The following GSE1 variants were observed in gnomAD, a reference collection of about 807,000 sequenced individuals.
GSE1 encodes the protein genetic suppressor element 1.
Under a neutral mutation model 112.6 loss-of-function variants are expected in GSE1, and 32 were observed. The ratio of observed to expected loss-of-function variants is 0.28; its 90% CI spans 0.21 to 0.38. The LOEUF (loss-of-function observed/expected upper bound fraction) is 0.38, where lower values mean the gene tolerates loss of function less well. GSE1 is among the 10% of genes least tolerant of loss of function. The pLI is 1.00. For missense variants in GSE1, 2,348 were observed against 1,699.2 expected (o/e 1.38, Z -6.71); for synonymous variants, 1,115 against 735.6 (o/e 1.52, Z -8.35).
chr16:85,606,045 C>G (rs1044446878), intron 1 of GSE1, among the ~76,000 whole-genome samples: 1 of 152,212 alleles, frequency 6.6e-6, no homozygotes, highest in Admixed American at 6.5e-5. Flanking sequence ...GGCTTGGCCG[C>G]CAGCCCCTGC....
intron 2 of GSE1, among the ~76,000 whole-genome samples, chr16:85,536,327 A>T (rs2044325418): frequency 6.6e-6 from 1 of 152,164 alleles, no homozygotes; most frequent in South Asian, 2.1e-4. Context: ...CTCAGTAAGT[A>T]ACAGTGGAGT....
chr16:85,425,877 C>T (rs2151748961), intron 2 of GSE1, among the ~76,000 whole-genome samples: 1 of 152,352 alleles, frequency 6.6e-6, no homozygotes, highest in Non-Finnish European at 1.5e-5. Context: ...TCATCCCTTT[C>T]TTTTAGATGG....
rs553486585 is a variant in GSE1 at position 85,657,729 on chromosome 16, G to T, written c.1640+125G>T. The T allele has an allele frequency of 7.8e-6, 5 of 639,436 alleles. No homozygotes were observed. In the East Asian group the frequency reaches 9.6e-5, roughly 12 times the overall value. The allele number at this position is 639,436 out of a possible 1,614,324, so 39.6% of individuals were successfully genotyped here. On this transcript the variant is annotated intron_variant, in intron 8 of 15. Transcript: ENST00000253458. ...GTTTCTGCCTGCCTCTTTCATTTCT[G>T]TTCTTTCATCTTCACGTTATAATGC...
At chr16:85,493,891 G>A (rs139136930) in intron 2 of GSE1, among the ~76,000 whole-genome samples, 245 of 151,542 alleles carry the variant, frequency 1.6e-3, no homozygotes, top group African/African-American at 5.7e-3. Flanking sequence ...ACCAGCCTGC[G>A]CAATATAAGT....
chr16:85,352,045 G>A (rs2046861329), intron 1 of GSE1, among the ~76,000 whole-genome samples: 1 of 152,140 alleles, frequency 6.6e-6, no homozygotes, highest in Admixed American at 6.5e-5. Context: ...CAGACCTAGG[G>A]ATCTCATGGA....
intron 2 of GSE1, among the ~76,000 whole-genome samples, chr16:85,531,915 G>T (rs1158244016): frequency 6.6e-6 from 1 of 152,142 alleles, no homozygotes; most frequent in Non-Finnish European, 1.5e-5. Flanking sequence ...CTCTCTCTTG[G>T]TGTCCTCAGA....
chr16:85,215,362 C>T (rs906576279), intron 1 of GSE1, among the ~76,000 whole-genome samples: 8 of 152,194 alleles, frequency 5.3e-5, no homozygotes, highest in South Asian at 4.1e-4. Context: ...TGAGTCCACA[C>T]GGGCAGGCGG....
At chr16:85,433,025 G>A (rs1453263397) in intron 2 of GSE1, among the ~76,000 whole-genome samples, 1 of 151,842 alleles carries the variant, frequency 6.6e-6, no homozygotes, top group Non-Finnish European at 1.5e-5. Flanking sequence ...AGATCTGCTT[G>A]GGGGATCAGG....
intron 2 of GSE1, among the ~76,000 whole-genome samples, chr16:85,393,964 C>A (rs1218673292): frequency 6.6e-6 from 1 of 151,602 alleles, no homozygotes. Context: ...CTCCAGGCAC[C>A]CTGGGGCCAC....
chr16:85,668,605 G>C (rs1053841691), intron 14 of GSE1, among the ~76,000 whole-genome samples, 181 bp downstream of exon 14: 1 of 152,188 alleles, frequency 6.6e-6, no homozygotes, highest in African/African-American at 2.4e-5. Flanking sequence ...TCCCATGCTG[G>C]AACCTGAGGC....
intron 1 of GSE1, among the ~76,000 whole-genome samples, chr16:85,204,089 C>T (rs915180851): frequency 6.6e-6 from 1 of 152,160 alleles, no homozygotes; most frequent in Admixed American, 6.5e-5. Flanking sequence ...AAACTTTAAC[C>T]CCTAAAGGAT....
intron 2 of GSE1, among the ~76,000 whole-genome samples, chr16:85,416,916 C>T (rs986461014): frequency 2.0e-5 from 3 of 152,180 alleles, no homozygotes; most frequent in African/African-American, 7.2e-5. Context: ...GGTGCAGTGG[C>T]ACGATCATGG....
chr16:85,390,867 T>A (rs893847130), intron 2 of GSE1, among the ~76,000 whole-genome samples: 4 of 152,174 alleles, frequency 2.6e-5, no homozygotes, highest in African/African-American at 4.8e-5. Context: ...GACATTACAT[T>A]TTTGTGTCTG....
At chr16:85,170,725 C>T in exon 1 of GSE1, 22 of 985,636 alleles carry the variant, frequency 2.2e-5, no homozygotes, top group Non-Finnish European at 2.7e-5. Flanking sequence ...CTTCCCCTTC[C>T]TGTGGCTGCA....
Position 85,668,339 on chromosome 16 carries a change from AGATGGAGAAGATGAGGAG to A in GSE1, c.3333_3350del (p.Asp1111_Glu1116del). ...AGGAGGAGGAAGAGGAGGATGATGA[AGATGGAGAAGATGAGGAG>A]GAAGTCCCCAAGCGCAAGTGGCAAG... On this transcript the variant is annotated inframe_deletion, in exon 14 of 16. Transcript: ENST00000253458. 1 of 1,613,226 alleles carries A rather than the reference AGATGGAGAAGATGAGGAG, an allele frequency of 6.2e-7. No homozygotes were observed.
intron 2 of GSE1, among the ~76,000 whole-genome samples, chr16:85,450,504 C>T (rs2151801197): frequency 6.6e-6 from 1 of 151,394 alleles, no homozygotes; most frequent in South Asian, 2.1e-4. Context: ...GGCTGGAGTG[C>T]AGTGGCCTGA....
chr16:85,247,367 C>G (rs1376384626), intron 1 of GSE1, among the ~76,000 whole-genome samples: 1 of 152,200 alleles, frequency 6.6e-6, no homozygotes, highest in Non-Finnish European at 1.5e-5. Flanking sequence ...CACCGCAGCA[C>G]TGGGAGATCC....
At chr16:85,211,683 C>A (rs1486654550) in intron 1 of GSE1, among the ~76,000 whole-genome samples, 1 of 152,072 alleles carries the variant, frequency 6.6e-6, no homozygotes, top group Non-Finnish European at 1.5e-5. Flanking sequence ...GGAGTGAGAT[C>A]CTGGGGATGG....
intron 2 of GSE1, among the ~76,000 whole-genome samples, chr16:85,514,554 G>A (rs1379726700): frequency 6.6e-6 from 1 of 152,136 alleles, no homozygotes; most frequent in Admixed American, 6.5e-5. Context: ...ACCGCTGGAA[G>A]CTTGGCACGG....
Sources: allele counts gnomAD v4.1 joint callset (sites outside exome capture counted in the v4.1 genomes callset), GRCh38; gene constraint gnomAD v4.1.1; transcripts MANE v1.5; gene names NCBI Gene and HGNC (gene_info 2026-07-23, HGNC 2026-07-21).